Variants in BMPR1A observed in about 807,000 individuals in gnomAD.
BMPR1A encodes bone morphogenetic protein receptor type-1A.
A neutral mutation model predicts 66.0 loss-of-function variants in BMPR1A; 7 were observed. That is an observed-to-expected ratio of 0.11 (90% CI 0.06 to 0.20). The LOEUF (loss-of-function observed/expected upper bound fraction) is 0.20, where lower values mean the gene tolerates loss of function less well. Among genes scored for constraint, BMPR1A ranks in the 10% least tolerant of loss-of-function variants. The pLI is 1.00. For missense variants in BMPR1A, 408 were observed against 669.1 expected, an observed-to-expected ratio of 0.61 and a Z score of 4.31; for synonymous variants, 200 against 229.7, an observed-to-expected ratio of 0.87 and a Z score of 1.17.
chr10:86,921,085 C>T (rs952648092), intron 10 of BMPR1A, among the ~76,000 whole-genome samples: 1 of 152,070 alleles, frequency 6.6e-6, no homozygotes, highest in African/African-American at 2.4e-5. Context: ...AACACCTGAC[C>T]TCAGGTGATG....
At chr10:86,861,516 T>C (rs982543700) in intron 2 of BMPR1A, among the ~76,000 whole-genome samples, 1 of 152,248 alleles carries the variant, frequency 6.6e-6, no homozygotes, top group Non-Finnish European at 1.5e-5. Context: ...TGCAGTTGAA[T>C]TTAGATCATG....
intron 1 of BMPR1A, among the ~76,000 whole-genome samples, chr10:86,759,302 G>C (rs1840987325): frequency 6.6e-6 from 1 of 152,152 alleles, no homozygotes; most frequent in African/African-American, 2.4e-5. Context: ...TCACTTTTCA[G>C]ATCACTTTTC....
At chr10:86,918,607 CT>C (rs1287381730) in intron 9 of BMPR1A, among the ~76,000 whole-genome samples, 47 of 146,750 alleles carry the variant, frequency 3.2e-4, no homozygotes, top group African/African-American at 1.2e-3. Context: ...TCATCTTTTT[CT>C]TTTCTTTCCT....
intron 1 of BMPR1A, among the ~76,000 whole-genome samples, chr10:86,824,910 C>G (rs1456856238): frequency 6.6e-6 from 1 of 152,132 alleles, no homozygotes; most frequent in African/African-American, 2.4e-5. Context: ...TCCACCCTTA[C>G]TACCTGCTTA....
chr10:86,925,738 T>TTTTTTTTTTTTTA lies in BMPR1A; in HGVS notation c.*2019_*2020insTTTTTTTTTTTTA, dbSNP rs1411121266. On this transcript the variant is annotated 3_prime_UTR_variant, in exon 13 of 13. Coordinates refer to ENST00000372037, the MANE Select transcript of BMPR1A (RefSeq NM_004329.3). ...TTTGTCATCTTTTTTTTTTTTTTTT[T>TTTTTTTTTTTTTA]GAGACGGAGTCTCGCTCTGTCGCCC... 1 of 152,822 alleles carries TTTTTTTTTTTTTA rather than the reference T, an allele frequency of 6.5e-6. No individual in the cohort carries two copies. 9.5% of individuals were successfully genotyped at this position (152,822 alleles called of 1,614,324 possible).
intron 1 of BMPR1A, among the ~76,000 whole-genome samples, chr10:86,834,794 G>A (rs147107886): frequency 3.3e-5 from 5 of 152,018 alleles, no homozygotes; most frequent in African/African-American, 1.2e-4. Context: ...TCGTACCAAA[G>A]TAAACAGTAA....
At chr10:86,838,498 T>G (rs1008116442) in intron 1 of BMPR1A, among the ~76,000 whole-genome samples, 4 of 152,058 alleles carry the variant, frequency 2.6e-5, no homozygotes, top group Non-Finnish European at 5.9e-5. Flanking sequence ...GTCCAATATA[T>G]TTTTGTCTAA....
At position 86,921,982 on chromosome 10, in the gene BMPR1A, G is replaced by A. The variant is rs979797143; in HGVS notation, c.1342+287G>A. Among the ~76,000 whole-genome samples, 5 of 152,102 alleles carry A rather than the reference G, an allele frequency of 3.3e-5. No individual in the cohort carries two copies. The East Asian group carries it at 5.8e-4, about 18-fold the overall frequency. On this transcript the variant is annotated intron_variant, in intron 11 of 12. Transcript: ENST00000372037. ...ATTATTACTAACTGTAGTCCTCCCC[G>A]TTGTGCTATAAAATACCAAATACTT...
intron 1 of BMPR1A, among the ~76,000 whole-genome samples, chr10:86,776,616 C>T (rs865914861): frequency 1.3e-5 from 2 of 152,192 alleles, no homozygotes; most frequent in South Asian, 2.1e-4. Flanking sequence ...TCCTTTACCC[C>T]CTTTGCTACT....
chr10:86,852,399 G>A (rs1253780723), intron 2 of BMPR1A, among the ~76,000 whole-genome samples: 15 of 151,454 alleles, frequency 9.9e-5, no homozygotes, highest in Non-Finnish European at 1.5e-4. Flanking sequence ...GAGACCCTGC[G>A]TCTACAAAAA....
At chr10:86,886,309 T>C (rs1005336472) in intron 3 of BMPR1A, among the ~76,000 whole-genome samples, 1 of 152,134 alleles carries the variant, frequency 6.6e-6, no homozygotes, top group Non-Finnish European at 1.5e-5. Context: ...ATTGGTTTTA[T>C]ATAGGAGTGA....
At chr10:86,776,018 A>G (rs180809813) in intron 1 of BMPR1A, among the ~76,000 whole-genome samples, 2 of 151,926 alleles carry the variant, frequency 1.3e-5, no homozygotes, top group Admixed American at 1.3e-4. Flanking sequence ...GACACCTTCC[A>G]TTGTCTCTCT....
At chr10:86,773,195 T>G (rs1841292668) in intron 1 of BMPR1A, among the ~76,000 whole-genome samples, 2 of 152,052 alleles carry the variant, frequency 1.3e-5, no homozygotes, top group Admixed American at 1.3e-4. Context: ...TAAGTTTTTT[T>G]TTTTAATCAA....
rs1372738374 is a variant in BMPR1A, at chr10:86,797,247, T to TTTTTTTTTTTTTTTTG, written c.-268+40329_-268+40330insTTTTTTTTTTTTTTGT. On this transcript the variant is annotated intron_variant, in intron 1 of 12. Transcript: ENST00000372037. ...GCCCGGCTAATTTTTTTTTTTTTTT[T>TTTTTTTTTTTTTTTTG]TGAGACGGAGTCTTGCTCTGTTGTC... 1.2e-3 allele frequency among the ~76,000 whole-genome samples: 145 copies of TTTTTTTTTTTTTTTTG among 124,926 alleles called. 5 individuals are homozygous for TTTTTTTTTTTTTTTTG. Among genetic ancestry groups the TTTTTTTTTTTTTTTTG allele is most frequent in the East Asian group, 4.5e-3 (15 of 3,342 alleles). The allele number at this position is 124,926 out of a possible 152,430, so 82.0% of individuals were successfully genotyped here. A position where few individuals can be genotyped will look rare whatever the true frequency, so the allele number is the denominator to read the frequency against.
chr10:86,794,532 GTCA>G (rs756910178), intron 1 of BMPR1A, among the ~76,000 whole-genome samples: 9 of 152,138 alleles, frequency 5.9e-5, no homozygotes, highest in Non-Finnish European at 1.3e-4. Flanking sequence ...ATCAAATTAA[GTCA>G]TCAAGTTAGA....
At chr10:86,905,113 T>C (rs1463142268) in intron 7 of BMPR1A, among the ~76,000 whole-genome samples, 1 of 152,208 alleles carries the variant, frequency 6.6e-6, no homozygotes, top group Non-Finnish European at 1.5e-5. Context: ...GTTTCCCTTT[T>C]TTCTGATGTG....
chr10:86,899,772 T>C, intron 5 of BMPR1A, 22 bp from the exon 6 acceptor site: 3 of 1,597,762 alleles, frequency 1.9e-6, no homozygotes, highest in Non-Finnish European at 2.6e-6. Flanking sequence ...CATTTCTAAT[T>C]TTATCATTAC....
At position 86,785,382 on chromosome 10, in the gene BMPR1A, C is replaced by T. The variant is rs532895998; in HGVS notation, c.-268+28463C>T. Among the ~76,000 whole-genome samples the T allele has an allele frequency of 1.6e-4, 25 of 152,256 alleles. 1 individual carries two copies. The highest frequency in any genetic ancestry group is 2.2e-4 in the African/African-American group (9 of 41,556). On this transcript the variant is annotated intron_variant, in intron 1 of 12. Coordinates refer to ENST00000372037, the MANE Select transcript of BMPR1A (RefSeq NM_004329.3). Reference sequence around the variant, plus strand: ...GTGCAGTGGTGGGAACTCAGCCCACCGCAATCTGCGCCTCCTGGGTTCAAG... The same window carrying T: ...GTGCAGTGGTGGGAACTCAGCCCACTGCAATCTGCGCCTCCTGGGTTCAAG...
intron 1 of BMPR1A, among the ~76,000 whole-genome samples, chr10:86,833,282 AC>A (rs1411786847): frequency 3.3e-5 from 5 of 152,174 alleles, no homozygotes; most frequent in Admixed American, 6.5e-5. Context: ...TGTAGTTTTA[AC>A]TTGCATCTTC....
Sources: gnomAD v4.1 joint callset for allele counts (sites outside exome capture counted in the v4.1 genomes callset) on GRCh38, gnomAD v4.1.1 for gene constraint, MANE v1.5 for transcripts, NCBI Gene and HGNC (gene_info 2026-07-23, HGNC 2026-07-21) for gene names.